SMC2: variants seen among roughly 807,000 people sequenced by gnomAD.
SMC2 encodes the protein structural maintenance of chromosomes 2, also known as structural maintenance of chromosomes protein 2.
A neutral mutation model predicts 142.6 loss-of-function variants in SMC2; 41 were observed. The ratio of observed to expected loss-of-function variants is 0.29; its 90% CI spans 0.22 to 0.37. SMC2 has a LOEUF of 0.37. SMC2 is among the 10% of genes least tolerant of loss of function. SMC2 has a pLI of 1.00. For synonymous variants in SMC2, 463 were observed against 457.5 expected (o/e 1.01, Z -0.15); for missense variants, 1,265 against 1,373.7 (o/e 0.92, Z 1.25).
intron 14 of SMC2, 147 bp downstream of exon 14, chr9:104,116,466 A>G (rs1833131553): frequency 3.1e-6 from 2 of 635,778 alleles, no homozygotes; most frequent in Non-Finnish European, 5.1e-6. Flanking sequence ...CAATTAGATG[A>G]TAAGAGAATA....
intron 9 of SMC2, among the ~76,000 whole-genome samples, chr9:104,109,605 A>G (rs1013353698): frequency 1.3e-5 from 2 of 152,206 alleles, no homozygotes; most frequent in African/African-American, 2.4e-5. Flanking sequence ...CGTATGCTGT[A>G]TGACGCTGAA....
At chr9:104,120,803 T>C (rs931622263) in intron 16 of SMC2, among the ~76,000 whole-genome samples, 3 of 152,236 alleles carry the variant, frequency 2.0e-5, no homozygotes, top group African/African-American at 7.2e-5. Flanking sequence ...GTAACCTTTT[T>C]TTGTCAGTCA....
At chr9:104,138,700 C>G (rs1835808638) in intron 24 of SMC2, among the ~76,000 whole-genome samples, 1 of 152,118 alleles carries the variant, frequency 6.6e-6, no homozygotes, top group Admixed American at 6.6e-5. Context: ...CTCATAGTTA[C>G]CATGGATTGT....
rs1831271297 is a variant in SMC2 at position 104,102,471 on chromosome 9, T to C, written c.918T>C (p.Ala306=). The change falls in exon 9 of 25, where the codon GCT becomes GCC. Residue 306 remains alanine, a synonymous_variant. Coordinates refer to ENST00000374793, the MANE Select transcript of SMC2 (RefSeq NM_006444.3). ...LRSLEDALAE[A]QRVNTKSQSA... is the part of the protein sequence containing the mutation. ...CTTTAGAAGATGCTCTTGCAGAGGC[T>C]CAGCGAGTTAATACTAAATCTCAAA... 6.2e-7 allele frequency: 1 copy of C among 1,613,186 alleles called. No homozygotes were observed. Among genetic ancestry groups the C allele is most frequent in the African/African-American group, 1.3e-5 (1 of 74,890 alleles).
intron 22 of SMC2, among the ~76,000 whole-genome samples, 199 bp from the exon 23 acceptor site, chr9:104,134,216 T>TTTGTCTTATCACTAGCACC (rs1327326250): frequency 6.6e-6 from 1 of 152,110 alleles, no homozygotes; most frequent in African/African-American, 2.4e-5. Flanking sequence ...ACTACCTGAT[T>TTTGTCTTATCACTAGCACC]TTGTCTTATC....
chr9:104,137,960 G>GT lies in SMC2; in HGVS notation c.3270-57dup, dbSNP rs1491041756. ...ATAATAGGATCACATATTTGCTTCA[G>GT]TGTTTTGATAAGTGATAAAATCAAA... On this transcript the variant is annotated intron_variant, in intron 23 of 24. Transcript: ENST00000374793. 15 of 1,279,440 alleles carry GT rather than the reference G, an allele frequency of 1.2e-5. No homozygotes were observed. In the East Asian group the frequency reaches 3.7e-4, roughly 31 times the overall value. 79.3% of individuals were successfully genotyped at this position (1,279,440 alleles called of 1,614,324 possible).
chr9:104,093,227 A>G (rs1043193971), upstream of SMC2, among the ~76,000 whole-genome samples: 1 of 152,126 alleles, frequency 6.6e-6, no homozygotes, highest in African/African-American at 2.4e-5. Flanking sequence ...ACCCATTCGG[A>G]GTTAAGCCCT....
At chr9:104,109,199 T>G (rs1246149020) in intron 9 of SMC2, among the ~76,000 whole-genome samples, 2 of 152,220 alleles carry the variant, frequency 1.3e-5, no homozygotes, top group African/African-American at 2.4e-5. Context: ...ATATCCGGAA[T>G]AGAATTTAGC....
chr9:104,117,781 C>G (rs533295174), intron 14 of SMC2, among the ~76,000 whole-genome samples: 1 of 152,056 alleles, frequency 6.6e-6, no homozygotes, highest in South Asian at 2.1e-4. Flanking sequence ...ACAAATATAC[C>G]AAAATCTGAA....
rs1320479596 is a variant in SMC2, at chr9:104,120,180, T to A, written c.2132+18T>A. The A allele has an allele frequency of 5.8e-6, 9 of 1,556,916 alleles. No homozygotes were observed. Among genetic ancestry groups the A allele is most frequent in the Middle Eastern group, 3.5e-4 (2 of 5,776 alleles). ...GCTGAAAAGTAAGAACTGCATATAC[T>A]TTTTTTAATTAAAGATTTGCATAGT... On this transcript the variant is annotated intron_variant, in intron 16 of 24. Coordinates refer to ENST00000374793, the MANE Select transcript of SMC2 (RefSeq NM_006444.3).
rs2122579 is a variant in SMC2 at position 104,104,219 on chromosome 9, C to G, written c.1020+1646C>G. Reference sequence around the variant, plus strand: ...CTATAAGCAGGCTTAACTCCCTAAACTCTATGAAGCAGGTTTATTGTGTGC... The same window carrying G: ...CTATAAGCAGGCTTAACTCCCTAAAGTCTATGAAGCAGGTTTATTGTGTGC... On this transcript the variant is annotated intron_variant, in intron 9 of 24. Transcript: ENST00000374793. Among the ~76,000 whole-genome samples, 801 of 152,284 alleles carry G rather than the reference C, an allele frequency of 5.3e-3. 6 individuals carry two copies. Among genetic ancestry groups the G allele is most frequent in the African/African-American group, 0.018 (768 of 41,544 alleles).
chr9:104,091,372 C>T (rs1829979487), upstream of SMC2, among the ~76,000 whole-genome samples: 2 of 147,978 alleles, frequency 1.4e-5, no homozygotes, highest in Admixed American at 6.9e-5. Flanking sequence ...TGTTGCACTA[C>T]GATGTTACAA....
At chr9:104,126,245 G>C (rs1428556804) in intron 18 of SMC2, among the ~76,000 whole-genome samples, 5 of 152,140 alleles carry the variant, frequency 3.3e-5, no homozygotes, top group African/African-American at 1.2e-4. Flanking sequence ...GTTGGGGACT[G>C]CTCTTCTAAT....
chr9:104,102,361 CAATAA>C, intron 8 of SMC2, 58 bp from the exon 9 acceptor site: 7 of 1,448,364 alleles, frequency 4.8e-6, no homozygotes, highest in Non-Finnish European at 6.6e-6. Flanking sequence ...AGAACTCATA[CAATAA>C]AATGACAGCG....
At chr9:104,119,701 G>A (rs1564097793) in intron 15 of SMC2, among the ~76,000 whole-genome samples, 1 of 152,128 alleles carries the variant, frequency 6.6e-6, no homozygotes, top group Admixed American at 6.5e-5. Flanking sequence ...GCCTCCTAAA[G>A]TTTACTTTCA....
chr9:104,094,525 T>TGGCGGGAGGCGGGAGGCGGGA (rs143664933), intron 1 of SMC2, 48 bp downstream of exon 1: 1 of 267,974 alleles, frequency 3.7e-6, no homozygotes, highest in Non-Finnish European at 6.5e-6. Flanking sequence ...CCAGACTTCC[T>TGGCGGGAGGCGGGAGGCGGGA]GGCGGGAGGC....
chr9:104,129,809 G>C lies in SMC2; in HGVS notation c.2955G>C (p.Met985Ile). 6.2e-7 allele frequency: 1 copy of C among 1,613,790 alleles called. No homozygotes were observed. The highest frequency in any genetic ancestry group is 8.5e-7 in the Non-Finnish European group (1 of 1,179,864). Residue 985 changes from methionine to isoleucine, a missense_variant, in exon 21 of 25, where the codon ATG (methionine) becomes ATC (isoleucine). By Grantham distance (10) the Met-to-Ile change is conservative (BLOSUM62 1). Around this residue, in one of 4 missense-constraint regions of SMC2, gnomAD observed 192 missense variants for 261.9 expected, o/e 0.73. Transcript: ENST00000374793. ...MKEKLGRNVN[M>I]RAMNVLTEAE... Reference sequence around the variant, plus strand: ...AGAAACTAGGAAGAAATGTCAATATGAGAGCTATGAATGTATTGACAGAAG... The same window carrying C: ...AGAAACTAGGAAGAAATGTCAATATCAGAGCTATGAATGTATTGACAGAAG...
At chr9:104,116,174 T>G in intron 13 of SMC2, 26 bp from the exon 14 acceptor site, 1 of 1,553,730 alleles carries the variant, frequency 6.4e-7, no homozygotes, top group Non-Finnish European at 8.6e-7. Context: ...TAACATGCGT[T>G]TTTTAAATTC....
chr9:104,136,830 A>C (rs184366628), intron 23 of SMC2, among the ~76,000 whole-genome samples: 1 of 148,798 alleles, frequency 6.7e-6, no homozygotes, highest in East Asian at 2.0e-4. Context: ...ATATTTCTTA[A>C]TAAATAGCCC....
Sources: gnomAD v4.1 joint callset for allele counts (sites outside exome capture counted in the v4.1 genomes callset) on GRCh38, gnomAD v4.1.1 for gene constraint, gnomAD v4.1.1 regional missense constraint, MANE v1.5 for transcripts, NCBI Gene and HGNC (gene_info 2026-07-23, HGNC 2026-07-21) for gene names.